PHAF1: variants seen among roughly 807,000 people sequenced by gnomAD.
PHAF1 encodes the protein phagosome assembly factor 1.
A neutral mutation model predicts 63.1 loss-of-function variants in PHAF1; 23 were observed. That is an observed-to-expected ratio of 0.36 (90% CI 0.26 to 0.52). The LOEUF (loss-of-function observed/expected upper bound fraction) is 0.52. PHAF1 is among the 20% of genes least tolerant of loss of function. The pLI is 0.93. For synonymous variants in PHAF1, 167 were observed against 185.0 expected, an observed-to-expected ratio of 0.90 and a Z score of 0.79; for missense variants, 427 against 517.2, an observed-to-expected ratio of 0.83 and a Z score of 1.69.
chr16:67,140,640 G>T, intron 10 of PHAF1, 46 bp downstream of exon 10: 1 of 1,381,056 alleles, frequency 7.2e-7, no homozygotes. Flanking sequence ...TATTGGGGTG[G>T]GCAGTGCATC....
intron 4 of PHAF1, 78 bp from the exon 5 acceptor site, chr16:67,132,368 C>A: frequency 1.6e-6 from 2 of 1,260,160 alleles, no homozygotes; most frequent in South Asian, 1.5e-5. Context: ...TTAAAAATAA[C>A]TCTCCCAGCT....
At chr16:67,142,053 T>C (rs1963832496) in intron 10 of PHAF1, among the ~76,000 whole-genome samples, 1 of 152,226 alleles carries the variant, frequency 6.6e-6, no homozygotes, top group African/African-American at 2.4e-5. Flanking sequence ...GGAGCTTTAT[T>C]GGGCAACAGA....
In PHAF1 at chr16:67,132,805, C is replaced by G. The variant is rs374172550; in HGVS notation, c.356-12C>G. The G allele has an allele frequency of 4.4e-6, 7 of 1,597,424 alleles. No individual in the cohort carries two copies. Among genetic ancestry groups the G allele is most frequent in the Admixed American group, 3.3e-5 (2 of 60,004 alleles). On this transcript the variant is annotated splice_polypyrimidine_tract_variant and intron_variant, in intron 5 of 15. Coordinates refer to ENST00000219139, the MANE Select transcript of PHAF1 (RefSeq NM_025187.5). ...TCAACCATGTTATTTTCTTCTCCCC[C>G]ACCCCCAACAGTGTACAACTCCGCT...
Position 67,140,099 on chromosome 16 carries a change from C to T in PHAF1, c.777C>T (p.Phe259=). The T allele has an allele frequency of 6.2e-7, 1 of 1,614,092 alleles. No individual in the cohort carries two copies. Reference sequence around the variant, plus strand: ...TGCTTGGCTCTCCACACAAAGTCTTCTATAAATCAGAAGACAAGGTAGGGG... The same window carrying T: ...TGCTTGGCTCTCCACACAAAGTCTTTTATAAATCAGAAGACAAGGTAGGGG... The part of the protein sequence containing the change: ...LSMLGSPHKV[F]YKSEDKMKIH... Residue 259 remains phenylalanine (F), a synonymous_variant, in exon 9 of 16, where the codon TTC becomes TTT. Transcript: ENST00000219139.
At chr16:67,146,124 C>T (rs887706857) in intron 14 of PHAF1, among the ~76,000 whole-genome samples, 154 bp from the exon 15 acceptor site, 14 of 152,172 alleles carry the variant, frequency 9.2e-5, no homozygotes, top group Admixed American at 2.6e-4. Flanking sequence ...CATCCCTACC[C>T]CTAGGATCTT....
intron 10 of PHAF1, among the ~76,000 whole-genome samples, chr16:67,141,483 G>T (rs933940608): frequency 6.6e-6 from 1 of 152,154 alleles, no homozygotes; most frequent in African/African-American, 2.4e-5. Context: ...GCTTGCTCCC[G>T]CTGGGCTCAT....
intron 1 of PHAF1, among the ~76,000 whole-genome samples, chr16:67,111,094 G>T (rs1432256764): frequency 6.6e-6 from 1 of 152,138 alleles, no homozygotes; most frequent in East Asian, 1.9e-4. Context: ...GATTACAGGC[G>T]TGAGCCACTG....
chr16:67,125,059 A>G (rs1822126215), intron 2 of PHAF1, among the ~76,000 whole-genome samples: 1 of 152,184 alleles, frequency 6.6e-6, no homozygotes, highest in South Asian at 2.1e-4. Flanking sequence ...GCATTGGACC[A>G]GAAGCATGCA....
chr16:67,125,523 A>G (rs1468015994), intron 2 of PHAF1, among the ~76,000 whole-genome samples: 1 of 152,232 alleles, frequency 6.6e-6, no homozygotes, highest in Non-Finnish European at 1.5e-5. Context: ...GGTTCAGCTG[A>G]TAGGCATAAG....
chr16:67,144,223 A>G (rs1050432322), intron 10 of PHAF1, 71 bp from the exon 11 acceptor site: 31 of 1,110,948 alleles, frequency 2.8e-5, no homozygotes, highest in Non-Finnish European at 4.0e-5. Flanking sequence ...CAAGTTGGAC[A>G]TGCCTTTGGA....
At chr16:67,139,122 A>C (rs551745965) in intron 8 of PHAF1, among the ~76,000 whole-genome samples, 1 of 152,052 alleles carries the variant, frequency 6.6e-6, no homozygotes, top group South Asian at 2.1e-4. Context: ...GGGTTTCACC[A>C]TGTTGCCCAG....
chr16:67,132,282 C>T (rs1597205401), intron 4 of PHAF1, 164 bp from the exon 5 acceptor site: 2 of 633,808 alleles, frequency 3.2e-6, no homozygotes, highest in Non-Finnish European at 5.4e-6. Flanking sequence ...CTCCTGACCT[C>T]ATTAATGCTC....
intron 8 of PHAF1, among the ~76,000 whole-genome samples, chr16:67,138,710 A>G (rs1210365909): frequency 6.6e-6 from 1 of 152,198 alleles, no homozygotes; most frequent in South Asian, 2.1e-4. Flanking sequence ...CTTCCCAAAG[A>G]ATAAACTTTT....
At chr16:67,132,252 G>A in intron 4 of PHAF1, 194 bp from the exon 5 acceptor site, 1 of 559,576 alleles carries the variant, frequency 1.8e-6, no homozygotes, top group Non-Finnish European at 3.1e-6. Context: ...CTGTATATCA[G>A]CCTCATGAGA....
chr16:67,122,281 T>C (rs981050483), intron 2 of PHAF1, among the ~76,000 whole-genome samples: 1 of 152,226 alleles, frequency 6.6e-6, no homozygotes, highest in Non-Finnish European at 1.5e-5. Flanking sequence ...TAAGCTGATT[T>C]TCCCCAATAT....
intron 1 of PHAF1, among the ~76,000 whole-genome samples, chr16:67,119,538 T>C (rs1045880413): frequency 6.6e-6 from 1 of 151,592 alleles, no homozygotes; most frequent in African/African-American, 2.4e-5. Context: ...TTTTTTTTTT[T>C]ATAGACAGAG....
At chr16:67,127,158 G>A (rs1414219959) in intron 3 of PHAF1, among the ~76,000 whole-genome samples, 2 of 152,198 alleles carry the variant, frequency 1.3e-5, no homozygotes, top group East Asian at 1.9e-4. Flanking sequence ...ATGAGCCACC[G>A]CACCCAGTTC....
intron 1 of PHAF1, among the ~76,000 whole-genome samples, chr16:67,116,559 C>T (rs1423688684): frequency 6.6e-6 from 1 of 152,170 alleles, no homozygotes; most frequent in Non-Finnish European, 1.5e-5. Context: ...ATTCAATAGT[C>T]ACTGTATTGG....
chr16:67,127,809 T>G (rs1011645865), intron 3 of PHAF1, among the ~76,000 whole-genome samples: 3 of 151,316 alleles, frequency 2.0e-5, no homozygotes, highest in African/African-American at 7.3e-5. Flanking sequence ...AAAAAAAAAT[T>G]GGGGGGAAAT....
Sources: allele counts gnomAD v4.1 joint callset (sites outside exome capture counted in the v4.1 genomes callset), GRCh38; gene constraint gnomAD v4.1.1; transcripts MANE v1.5; gene names NCBI Gene and HGNC (gene_info 2026-07-23, HGNC 2026-07-21).